The following CLDN15 variants were observed in gnomAD, a reference collection of about 807,000 sequenced individuals.
CLDN15 encodes the protein claudin-15.
CLDN15 carries 9 observed loss-of-function variants against 24.5 expected under a neutral mutation model. The ratio of observed to expected loss-of-function variants is 0.37; its 90% CI spans 0.22 to 0.64. The LOEUF (loss-of-function observed/expected upper bound fraction) is 0.64, where lower values mean the gene tolerates loss of function less well. Ranked by LOEUF, CLDN15 falls within the 30% of genes least tolerant of loss-of-function variation. The pLI, the probability that CLDN15 is intolerant of heterozygous loss-of-function variation, is 0.63. For missense variants in CLDN15, 248 were observed against 305.9 expected (o/e 0.81, Z 1.41); for synonymous variants, 149 against 131.4 (o/e 1.13, Z -0.92).
In CLDN15 at chr7:101,237,694, G is replaced by A. The variant is rs999528128; in HGVS notation, c.-113C>T. 9.6e-5 allele frequency: 71 copies of A among 742,922 alleles called. No homozygotes were observed. Among genetic ancestry groups the A allele is most frequent in the Non-Finnish European group, 1.5e-4 (62 of 426,164 alleles). The allele number at this position is 742,922 out of a possible 1,614,324, so 46.0% of individuals were successfully genotyped here. A position where few individuals can be genotyped will look rare whatever the true frequency, so the allele number is the denominator to read the frequency against. ...AGGGTTGTCCAGGCAGGCTGGGGTG[G>A]AATCAGCCTCAGCCTCTGCCTGCCT... is the stretch of plus-strand genomic sequence containing the variant. On this transcript the variant is annotated 5_prime_UTR_variant, in exon 1 of 5. Transcript: ENST00000308344. The surrounding 1 kb of genome is among the most constrained non-coding windows in gnomAD (Gnocchi z 4.0).
Position 101,237,307 on chromosome 7 carries a change from TG to T in CLDN15, c.217+57del, listed in dbSNP as rs1798646872. On this transcript the variant is annotated intron_variant, in intron 1 of 4. Transcript: ENST00000308344. This position sits in a 1 kb window ranked among gnomAD's most constrained non-coding sequence, Gnocchi z 4.0. ...CCTCACGGAAGTACCCGCCCTCCCCTGGGGTCTCTGCAGCTTCCCCGCCGCC... is the reference window on the plus strand; with the variant it reads ...CCTCACGGAAGTACCCGCCCTCCCCTGGGTCTCTGCAGCTTCCCCGCCGCC... 3 of 1,134,604 alleles carry T rather than the reference TG, an allele frequency of 2.6e-6. No homozygotes were observed. Among genetic ancestry groups the T allele is most frequent in the Non-Finnish European group, 3.9e-6 (3 of 765,986 alleles). 70.3% of individuals were successfully genotyped at this position (1,134,604 alleles called of 1,614,324 possible).
intron 1 of CLDN15, chr7:101,236,806 C>T: frequency 7.7e-7 from 1 of 1,291,186 alleles, no homozygotes; most frequent in Non-Finnish European, 1.0e-6. Context: ...AGACGCCTCC[C>T]TTCACAGGGG....
upstream of CLDN15, chr7:101,238,420 GCA>G (rs1798677084): frequency 6.6e-6 from 1 of 152,532 alleles, no homozygotes; most frequent in Non-Finnish European, 1.5e-5. Context: ...GGGGCCGGGC[GCA>G]GTGGCTCTCG....
intron 2 of CLDN15, 139 bp downstream of exon 2, chr7:101,234,139 G>C (rs754587609): frequency 1.3e-6 from 1 of 797,700 alleles, no homozygotes; most frequent in East Asian, 2.4e-5. Flanking sequence ...GATGAGGCAG[G>C]GGTGAGCAGG....
At chr7:101,236,503 T>C (rs1403185205) in intron 1 of CLDN15, among the ~76,000 whole-genome samples, 1 of 152,160 alleles carries the variant, frequency 6.6e-6, no homozygotes, top group African/African-American at 2.4e-5. Flanking sequence ...GGACTGGCCC[T>C]GAAGGACCCA....
At chr7:101,233,022 A>T (rs970179547) in intron 2 of CLDN15, 108 bp from the exon 3 acceptor site, 2 of 746,486 alleles carry the variant, frequency 2.7e-6, no homozygotes, top group African/African-American at 3.5e-5. Context: ...GGGGGCACCA[A>T]GTCCCAGAGC....
Position 101,232,179 on chromosome 7 carries a change from C to T in CLDN15, c.*231G>A. The stretch of plus-strand genomic sequence containing the variant: ...CACCGTCCCCTTCACAGCCCAGAAC[C>T]CAGGGTCAGAAGATGAGGGATCCAG... On this transcript the variant is annotated 3_prime_UTR_variant, in exon 5 of 5. Transcript: ENST00000308344. The T allele has an allele frequency of 1.9e-6, 1 of 531,806 alleles. No individual in the cohort carries two copies. The highest frequency in any genetic ancestry group is 3.3e-6 in the Non-Finnish European group (1 of 300,552). The allele number at this position is 531,806 out of a possible 1,614,324, so 32.9% of individuals were successfully genotyped here. A position where few individuals can be genotyped will look rare whatever the true frequency, so the allele number is the denominator to read the frequency against.
chr7:101,234,886 T>A (rs1171040898), intron 1 of CLDN15, among the ~76,000 whole-genome samples: 3 of 152,068 alleles, frequency 2.0e-5, no homozygotes, highest in Admixed American at 2.0e-4. Flanking sequence ...CACGCTTTGC[T>A]TGTGCCTGGA....
rs1260203029 is a variant in CLDN15 at position 101,232,637 on chromosome 7, C to A, written c.548G>T (p.Cys183Phe). 1 of 1,585,694 alleles carries A rather than the reference C, an allele frequency of 6.3e-7. No individual in the cohort carries two copies. Among genetic ancestry groups the A allele is most frequent in the Non-Finnish European group, 8.6e-7 (1 of 1,166,294 alleles). The change falls in exon 4 of 5, where the codon TGC (cysteine) becomes TTC (phenylalanine). Residue 183 changes from cysteine (C) to phenylalanine (F), a missense_variant. Physicochemically the swap from Cys to Phe is radical, Grantham distance 205. Coordinates refer to ENST00000308344, the MANE Select transcript of CLDN15 (RefSeq NM_014343.3). ...TGGGTCCTCGTCAGAGCCGCAGCAGCAGGCGGAGCAGAGGCAGAGGCCACC... is the reference window on the plus strand; with the variant it reads ...TGGGTCCTCGTCAGAGCCGCAGCAGAAGGCGGAGCAGAGGCAGAGGCCACC... The part of the protein sequence containing the change: ...ILGGLCLCSA[C>F]CCGSDEDPAA...
Position 101,237,617 on chromosome 7 carries a change from G to A in CLDN15, c.-36C>T. On this transcript the variant is annotated 5_prime_UTR_variant, in exon 1 of 5. Coordinates refer to ENST00000308344, the MANE Select transcript of CLDN15 (RefSeq NM_014343.3). This position sits in a 1 kb window ranked among gnomAD's most constrained non-coding sequence, Gnocchi z 4.0. ...AGGACCCTGGGGGGCTGGTGCCCCA[G>A]AGAGGGGGAGGGGCAGAACCCCTAG... The A allele has an allele frequency of 1.3e-6, 2 of 1,508,294 alleles. No individual in the cohort carries two copies. The highest frequency in any genetic ancestry group is 1.4e-5 in the African/African-American group (1 of 72,952). 93.4% of individuals were successfully genotyped at this position (1,508,294 alleles called of 1,614,324 possible). A position where few individuals can be genotyped will look rare whatever the true frequency, so the allele number is the denominator to read the frequency against.
Position 101,232,574 on chromosome 7 carries a change from C to A in CLDN15, c.581+30G>T, listed in dbSNP as rs779045373. 1.7e-5 allele frequency: 27 copies of A among 1,594,146 alleles called. 1 individual carries two copies. The highest frequency in any genetic ancestry group is 2.3e-5 in the Non-Finnish European group (27 of 1,167,922). ...CGGCCCTCCTCTCTCCAATCCCGCC[C>A]GGCCCCAGCCTGCGCCTCACCCTGC... On this transcript the variant is annotated intron_variant, in intron 4 of 4. Transcript: ENST00000308344.
At chr7:101,237,837 T>TG, upstream of CLDN15, 1 of 527,116 alleles carries the variant, frequency 1.9e-6, no homozygotes, top group Non-Finnish European at 3.4e-6. The surrounding 1 kb of genome is among the most constrained non-coding windows in gnomAD (Gnocchi z 4.0). Context: ...GTTGACGAGA[T>TG]GGAGGGAATA....
intron 2 of CLDN15, 90 bp from the exon 3 acceptor site, chr7:101,233,004 A>C (rs1201431408): frequency 4.4e-5 from 38 of 871,156 alleles, no homozygotes; most frequent in Admixed American, 8.1e-5. Context: ...GGCTGCCCAG[A>C]GTAGGACGGG....
Position 101,232,366 on chromosome 7 carries a change from C to T in CLDN15, c.*44G>A, listed in dbSNP as rs1179955196. ...AATGGGCCCCGGCCAGGTCCCCTCT[C>T]CTTGGGGCAGTGGGAAGACAGCGGG... On this transcript the variant is annotated 3_prime_UTR_variant, in exon 5 of 5. Transcript: ENST00000308344. The T allele has an allele frequency of 5.6e-6, 8 of 1,425,892 alleles. No individual in the cohort carries two copies. In the East Asian group the frequency reaches 1.1e-4, roughly 20 times the overall value. The allele number at this position is 1,425,892 out of a possible 1,614,324, so 88.3% of individuals were successfully genotyped here.
In CLDN15 at chr7:101,232,313, T is replaced by G. The variant is rs1249987966; in HGVS notation, c.*97A>C. On this transcript the variant is annotated 3_prime_UTR_variant, in exon 5 of 5. Coordinates refer to ENST00000308344, the MANE Select transcript of CLDN15 (RefSeq NM_014343.3). ...GGGGCGGGGCTACGGGAGCGGGGCG[T>G]GGCCGGCCCCTGAGGTTACTATAGG... The G allele has an allele frequency of 4.8e-6, 4 of 832,422 alleles. No homozygotes were observed. The highest frequency in any genetic ancestry group is 7.5e-6 in the Non-Finnish European group (4 of 530,274). 51.6% of individuals were successfully genotyped at this position (832,422 alleles called of 1,614,324 possible). A position where few individuals can be genotyped will look rare whatever the true frequency, so the allele number is the denominator to read the frequency against.
chr7:101,232,564 C>G, intron 4 of CLDN15, 40 bp downstream of exon 4: 1 of 1,595,604 alleles, frequency 6.3e-7, no homozygotes, highest in Non-Finnish European at 8.6e-7. Flanking sequence ...CTCCTCTCTC[C>G]AATCCCGCCC....
chr7:101,232,571 G>A lies in CLDN15; in HGVS notation c.581+33C>T, dbSNP rs749441749. ...GCGCGGCCCTCCTCTCTCCAATCCCGCCCGGCCCCAGCCTGCGCCTCACCC... is the reference window on the plus strand; with the variant it reads ...GCGCGGCCCTCCTCTCTCCAATCCCACCCGGCCCCAGCCTGCGCCTCACCC... On this transcript the variant is annotated intron_variant, in intron 4 of 4. Transcript: ENST00000308344. 18 of 1,595,204 alleles carry A rather than the reference G, an allele frequency of 1.1e-5. 1 individual carries two copies. In the South Asian group the frequency reaches 1.6e-4, roughly 14 times the overall value.
intron 1 of CLDN15, among the ~76,000 whole-genome samples, chr7:101,236,514 G>C (rs1451844138): frequency 6.6e-6 from 1 of 152,240 alleles, no homozygotes; most frequent in Non-Finnish European, 1.5e-5. Context: ...GAAGGACCCA[G>C]GAGGGCGTGC....
Position 101,232,257 on chromosome 7 carries a change from C to T in CLDN15, c.*153G>A. ...AAGAGCAGTTCTTGGCCTGGAGGGG[C>T]CATGAGAGTGCAAGACACGGGGCCG... On this transcript the variant is annotated 3_prime_UTR_variant, in exon 5 of 5. Coordinates refer to ENST00000308344, the MANE Select transcript of CLDN15 (RefSeq NM_014343.3). 1 of 598,290 alleles carries T rather than the reference C, an allele frequency of 1.7e-6. No homozygotes were observed. The allele number at this position is 598,290 out of a possible 1,614,324, so 37.1% of individuals were successfully genotyped here.
Sources: gnomAD v4.1 joint callset for allele counts (sites outside exome capture counted in the v4.1 genomes callset) on GRCh38, gnomAD v4.1.1 for gene constraint, Gnocchi (gnomAD v3.1) non-coding constraint, MANE v1.5 for transcripts, NCBI Gene and HGNC (gene_info 2026-07-23, HGNC 2026-07-21) for gene names.